PEA15: variants seen among roughly 807,000 people sequenced by gnomAD.
The protein encoded by PEA15 is astrocytic phosphoprotein PEA-15.
For synonymous variants in PEA15, 60 were observed against 61.8 expected (o/e 0.97, Z 0.13); for missense variants, 77 against 161.3 (o/e 0.48, Z 2.83).
In PEA15 at chr1:160,213,814, T is replaced by C. The variant is rs964385110; in HGVS notation, c.*328T>C. ...ACTTCCCTTTCCTCCACTCCCCCCA[T>C]ATCTTTAAAGTGTGGAAGCAGAAAG... On this transcript the variant is annotated 3_prime_UTR_variant, in exon 4 of 4. Coordinates refer to ENST00000360472, the MANE Select transcript of PEA15 (RefSeq NM_003768.5). This position sits in a 1 kb window ranked among gnomAD's most constrained non-coding sequence, Gnocchi z 5.3. The C allele has an allele frequency of 3.2e-6, 1 of 315,854 alleles. No homozygotes were observed. The highest frequency in any genetic ancestry group is 3.5e-5 in the South Asian group (1 of 28,424). The allele number at this position is 315,854 out of a possible 1,614,324, so 19.6% of individuals were successfully genotyped here. A position where few individuals can be genotyped will look rare whatever the true frequency, so the allele number is the denominator to read the frequency against.
At chr1:160,206,611 C>T (rs1018262307) in intron 1 of PEA15, among the ~76,000 whole-genome samples, 2 of 151,960 alleles carry the variant, frequency 1.3e-5, no homozygotes, top group Non-Finnish European at 2.9e-5. Flanking sequence ...GAATGGAACC[C>T]AAGTCAGAGA....
chr1:160,211,888 C>G (rs1654889130), intron 2 of PEA15, among the ~76,000 whole-genome samples, 172 bp downstream of exon 2: 1 of 152,154 alleles, frequency 6.6e-6, no homozygotes, highest in Non-Finnish European at 1.5e-5. Context: ...CTGTGCCCCT[C>G]ATCGGTAAAA....
chr1:160,206,906 T>C (rs1035894901), intron 1 of PEA15, among the ~76,000 whole-genome samples: 2 of 152,202 alleles, frequency 1.3e-5, no homozygotes, highest in African/African-American at 2.4e-5. Flanking sequence ...TTGCCAGTGA[T>C]GCCCTAGGCT....
chr1:160,208,769 G>C lies in PEA15; in HGVS notation c.-2-2774G>C, dbSNP rs762197756. The C allele has an allele frequency of 9.9e-7, 1 of 1,011,252 alleles. No homozygotes were observed. Among genetic ancestry groups the C allele is most frequent in the Non-Finnish European group, 1.5e-6 (1 of 665,014 alleles). 62.6% of individuals were successfully genotyped at this position (1,011,252 alleles called of 1,614,324 possible). A position where few individuals can be genotyped will look rare whatever the true frequency, so the allele number is the denominator to read the frequency against. ...CTAGGCAAATGGATCTCTCCAAGAA[G>C]GGAGGCAACTGGGCTGCCTTTCCTT... On this transcript the variant is annotated intron_variant, in intron 1 of 3. Transcript: ENST00000360472. This position sits in a 1 kb window ranked among gnomAD's most constrained non-coding sequence, Gnocchi z 4.1.
chr1:160,215,358 T>C lies in PEA15; in HGVS notation c.*1872T>C, dbSNP rs1329940531. ...TTGTTCTAACCCGGAATAAAGGTGA[T>C]TGATTGTATTGCAACTAACTGATTT... On this transcript the variant is annotated 3_prime_UTR_variant, in exon 4 of 4. Transcript: ENST00000360472. 3 of 152,210 alleles carry C rather than the reference T, an allele frequency of 2.0e-5. No individual in the cohort carries two copies. Among genetic ancestry groups the C allele is most frequent in the Non-Finnish European group, 1.5e-5 (1 of 68,040 alleles). The allele number at this position is 152,210 out of a possible 1,614,324, so 9.4% of individuals were successfully genotyped here. A position where few individuals can be genotyped will look rare whatever the true frequency, so the allele number is the denominator to read the frequency against.
At position 160,213,088 on chromosome 1, in the gene PEA15, C is replaced by T; in HGVS notation, c.173-22C>T. 6.2e-7 allele frequency: 1 copy of T among 1,613,702 alleles called. No individual in the cohort carries two copies. The highest frequency in any genetic ancestry group is 8.5e-7 in the Non-Finnish European group (1 of 1,179,784). On this transcript the variant is annotated intron_variant, in intron 2 of 3. Transcript: ENST00000360472. This position sits in a 1 kb window ranked among gnomAD's most constrained non-coding sequence, Gnocchi z 5.3. ...CTGACCTCTACAGCCTAGCTCTGAC[C>T]CTATCTCCTGCCTTCCTCCAGACAA...
At position 160,213,392 on chromosome 1, in the gene PEA15, G is replaced by T. The variant is rs766083217; in HGVS notation, c.329-30G>T. On this transcript the variant is annotated intron_variant, in intron 3 of 3. Transcript: ENST00000360472. This position sits in a 1 kb window ranked among gnomAD's most constrained non-coding sequence, Gnocchi z 5.3. ...CCTGCCTGGCATCTCCCACACTGCT[G>T]TCCCTGGACACATACCTTTTTGCCC... 1.2e-6 allele frequency: 2 copies of T among 1,613,634 alleles called. No individual in the cohort carries two copies. The highest frequency in any genetic ancestry group is 4.5e-5 in the East Asian group (2 of 44,880).
At position 160,213,278 on chromosome 1, in the gene PEA15, T is replaced by C. The variant is rs550885689; in HGVS notation, c.328+13T>C. On this transcript the variant is annotated intron_variant, in intron 3 of 3. Coordinates refer to ENST00000360472, the MANE Select transcript of PEA15 (RefSeq NM_003768.5). This position sits in a 1 kb window ranked among gnomAD's most constrained non-coding sequence, Gnocchi z 5.3. The stretch of plus-strand genomic sequence containing the variant: ...AAGAAGTACAAAGGTAAGCGGCCAC[T>C]CCTTTAACTAGCTGCACCTCTGCCT... 3 of 1,614,100 alleles carry C rather than the reference T, an allele frequency of 1.9e-6. No individual in the cohort carries two copies. Among genetic ancestry groups the C allele is most frequent in the East Asian group, 4.5e-5 (2 of 44,882 alleles).
chr1:160,208,379 C>T lies in PEA15; in HGVS notation c.-3+2857C>T. The T allele has an allele frequency of 1.8e-6, 1 of 568,680 alleles. No individual in the cohort carries two copies. Among genetic ancestry groups the T allele is most frequent in the Non-Finnish European group, 3.1e-6 (1 of 317,588 alleles). The allele number at this position is 568,680 out of a possible 1,614,324, so 35.2% of individuals were successfully genotyped here. On this transcript the variant is annotated intron_variant, in intron 1 of 3. Coordinates refer to ENST00000360472, the MANE Select transcript of PEA15 (RefSeq NM_003768.5). This position sits in a 1 kb window ranked among gnomAD's most constrained non-coding sequence, Gnocchi z 4.1. ...AGGTGTGAGGAAGCGGTGAGCCTAGCACAGAAAGCTGGGAGGGAAGAGGAC... is the reference window on the plus strand; with the variant it reads ...AGGTGTGAGGAAGCGGTGAGCCTAGTACAGAAAGCTGGGAGGGAAGAGGAC...
intron 1 of PEA15, chr1:160,211,303 G>T: frequency 8.3e-7 from 1 of 1,198,322 alleles, no homozygotes; most frequent in Non-Finnish European, 1.0e-6. Flanking sequence ...AAAAGATGGT[G>T]GGGGGAAGGA....
chr1:160,209,140 A>T (rs909524812), intron 1 of PEA15, among the ~76,000 whole-genome samples: 6 of 152,182 alleles, frequency 3.9e-5, no homozygotes, highest in African/African-American at 1.4e-4. Flanking sequence ...ACATACAAAC[A>T]CACACATGAC....
chr1:160,213,506 G>C lies in PEA15; in HGVS notation c.*20G>C, dbSNP rs1268419253. 6.2e-7 allele frequency: 1 copy of C among 1,610,764 alleles called. No homozygotes were observed. The highest frequency in any genetic ancestry group is 8.5e-7 in the Non-Finnish European group (1 of 1,177,212). On this transcript the variant is annotated 3_prime_UTR_variant, in exon 4 of 4. Transcript: ENST00000360472. The surrounding 1 kb of genome is among the most constrained non-coding windows in gnomAD (Gnocchi z 5.3). ...GCCTGAGCAAGGGGGAGGAAGAGGAGGAAGGTTGGACCTTCATCAGACCAC... is the reference window on the plus strand; with the variant it reads ...GCCTGAGCAAGGGGGAGGAAGAGGACGAAGGTTGGACCTTCATCAGACCAC...
chr1:160,211,100 C>T (rs558131700), intron 1 of PEA15, among the ~76,000 whole-genome samples: 1 of 152,204 alleles, frequency 6.6e-6, no homozygotes, highest in South Asian at 2.1e-4. Context: ...CTCACTGCCA[C>T]AGCAAGCCTC....
In PEA15 at chr1:160,211,449, G is replaced by A. The variant is rs74125503; in HGVS notation, c.-2-94G>A. 3,833 of 1,417,910 alleles carry A rather than the reference G, an allele frequency of 2.7e-3. 88 individuals are homozygous for A. In the African/African-American group the frequency reaches 0.047, roughly 17 times the overall value. The allele number at this position is 1,417,910 out of a possible 1,614,324, so 87.8% of individuals were successfully genotyped here. A position where few individuals can be genotyped will look rare whatever the true frequency, so the allele number is the denominator to read the frequency against. ...CATGTTCCAGGCACATGCCTGGTAG[G>A]GCAGAGTGGGGAGTAGGAGGGTAGT... is the stretch of plus-strand genomic sequence containing the variant. On this transcript the variant is annotated intron_variant, in intron 1 of 3. Coordinates refer to ENST00000360472, the MANE Select transcript of PEA15 (RefSeq NM_003768.5).
At chr1:160,211,471 T>G in intron 1 of PEA15, 72 bp from the exon 2 acceptor site, 1 of 1,465,346 alleles carries the variant, frequency 6.8e-7, no homozygotes, top group Non-Finnish European at 9.2e-7. Context: ...AGTAGGAGGG[T>G]AGTGCCAGTG....
At chr1:160,209,133 T>A (rs78123007) in intron 1 of PEA15, among the ~76,000 whole-genome samples, 1 of 67,308 alleles carries the variant, frequency 1.5e-5, no homozygotes, top group Non-Finnish European at 4.6e-5. Flanking sequence ...TTTAGACACA[T>A]ACAAACACAC....
Position 160,208,859 on chromosome 1 carries a change from T to G in PEA15, c.-2-2684T>G. 1.0e-4 allele frequency: 53 copies of G among 526,056 alleles called. No homozygotes were observed. Among genetic ancestry groups the G allele is most frequent in the Admixed American group, 1.5e-4 (5 of 32,752 alleles). 32.6% of individuals were successfully genotyped at this position (526,056 alleles called of 1,614,324 possible). A position where few individuals can be genotyped will look rare whatever the true frequency, so the allele number is the denominator to read the frequency against. ...TCTTACTCACCATTCCCTACACTCCTCCCATCTAGTGGTGTCATCCTAACG... is the reference window on the plus strand; with the variant it reads ...TCTTACTCACCATTCCCTACACTCCGCCCATCTAGTGGTGTCATCCTAACG... On this transcript the variant is annotated intron_variant, in intron 1 of 3. Transcript: ENST00000360472. This position sits in a 1 kb window ranked among gnomAD's most constrained non-coding sequence, Gnocchi z 4.1.
intron 1 of PEA15, among the ~76,000 whole-genome samples, chr1:160,207,443 C>T (rs1000527044): frequency 3.9e-5 from 6 of 152,138 alleles, no homozygotes; most frequent in African/African-American, 1.2e-4. Context: ...CGCCATCAGC[C>T]GGCCCTCCTC....
rs887561170 is a variant in PEA15 at position 160,215,216 on chromosome 1, T to A, written c.*1730T>A. ...AGAGACAGGGTTCTTTTCAGCAGAG[T>A]CTAGTAGTTTCTCTGTAAGGCAAAA... is the stretch of plus-strand genomic sequence containing the variant. On this transcript the variant is annotated 3_prime_UTR_variant, in exon 4 of 4. Transcript: ENST00000360472. The A allele has an allele frequency of 2.1e-4, 32 of 152,140 alleles. No homozygotes were observed. Among genetic ancestry groups the A allele is most frequent in the African/African-American group, 7.5e-4 (31 of 41,396 alleles). 9.4% of individuals were successfully genotyped at this position (152,140 alleles called of 1,614,324 possible).
Sources: gnomAD v4.1 joint callset for allele counts (sites outside exome capture counted in the v4.1 genomes callset) on GRCh38, gnomAD v4.1.1 for gene constraint, Gnocchi (gnomAD v3.1) non-coding constraint, MANE v1.5 for transcripts, NCBI Gene and HGNC (gene_info 2026-07-23, HGNC 2026-07-21) for gene names.